The following ANKRD30BL variants were observed in gnomAD, a reference collection of about 807,000 sequenced individuals.
The protein encoded by ANKRD30BL is ankyrin repeat domain 30B like.
A neutral mutation model predicts 18.4 loss-of-function variants in ANKRD30BL; 20 were observed. That is an observed-to-expected ratio of 1.09 (90% CI 0.77 to 1.58). ANKRD30BL has a LOEUF of 1.58. Among genes scored for constraint, ANKRD30BL ranks in the 40% most tolerant of loss-of-function variants. The pLI is 0.00. For missense variants in ANKRD30BL, 224 were observed against 268.6 expected (o/e 0.83, Z 1.16); for synonymous variants, 72 against 100.9 (o/e 0.71, Z 1.72).
At chr2:132,193,967 G>C (rs1298652907) in intron 1 of ANKRD30BL, among the ~76,000 whole-genome samples, 1 of 151,606 alleles carries the variant, frequency 6.6e-6, no homozygotes, top group Non-Finnish European at 1.5e-5. Flanking sequence ...ACTGGGGCAG[G>C]ATGAATACAC....
At chr2:132,251,197 G>C (rs1265353582) in intron 1 of ANKRD30BL, among the ~76,000 whole-genome samples, 2 of 152,144 alleles carry the variant, frequency 1.3e-5, no homozygotes, top group East Asian at 3.9e-4. Flanking sequence ...GGATGTCTTA[G>C]GTACTCTTCA....
chr2:132,195,730 G>A (rs1480458772), intron 1 of ANKRD30BL, among the ~76,000 whole-genome samples: 3 of 141,038 alleles, frequency 2.1e-5, no homozygotes, highest in Non-Finnish European at 4.6e-5. Flanking sequence ...GGCAGACTTT[G>A]TAGTGAGCCA....
At chr2:132,170,724 T>C (rs893576469) in intron 1 of ANKRD30BL, among the ~76,000 whole-genome samples, 17 of 152,236 alleles carry the variant, frequency 1.1e-4, no homozygotes, top group African/African-American at 4.1e-4. Flanking sequence ...AGGGAGTGTT[T>C]TCAGAAGGCC....
chr2:132,155,257 C>A (rs1429395740), intron 3 of ANKRD30BL: 1 of 152,192 alleles, frequency 6.6e-6, no homozygotes, highest in Non-Finnish European at 1.5e-5. Flanking sequence ...ATTAAATATT[C>A]ATTATTCAAG....
At chr2:132,235,878 C>A (rs987797628) in intron 1 of ANKRD30BL, among the ~76,000 whole-genome samples, 1 of 152,082 alleles carries the variant, frequency 6.6e-6, no homozygotes, top group Admixed American at 6.6e-5. Flanking sequence ...CCCGCATCAC[C>A]AAGTCAATCC....
chr2:132,254,726 G>A (rs1373558960), intron 1 of ANKRD30BL, among the ~76,000 whole-genome samples: 1 of 152,252 alleles, frequency 6.6e-6, no homozygotes, highest in East Asian at 1.9e-4. Context: ...ACCTGTTATT[G>A]CTCAATCTCA....
intron 1 of ANKRD30BL, among the ~76,000 whole-genome samples, chr2:132,194,069 A>G (rs1678913893): frequency 1.3e-5 from 2 of 151,268 alleles, no homozygotes; most frequent in African/African-American, 4.9e-5. Context: ...ACACACACAC[A>G]CACACTCACA....
intron 1 of ANKRD30BL, among the ~76,000 whole-genome samples, chr2:132,210,344 G>A (rs7607575): frequency 0.037 from 5,588 of 151,854 alleles, 322 homozygotes; most frequent in African/African-American, 0.13. Flanking sequence ...AGCGCTTTGC[G>A]GCCAATGGTG....
chr2:132,202,348 A>G (rs1679122866), intron 1 of ANKRD30BL, among the ~76,000 whole-genome samples: 1 of 152,196 alleles, frequency 6.6e-6, no homozygotes, highest in Non-Finnish European at 1.5e-5. Context: ...GGGCATTATA[A>G]AATGCCTCAT....
At chr2:132,156,721 G>A (rs1213132474) in intron 3 of ANKRD30BL, 1 of 192,080 alleles carries the variant, frequency 5.2e-6, no homozygotes. Context: ...AACTTGGGTG[G>A]GAAAGAATAT....
chr2:132,179,445 C>T (rs1315032491), intron 1 of ANKRD30BL, among the ~76,000 whole-genome samples: 1 of 151,960 alleles, frequency 6.6e-6, no homozygotes, highest in African/African-American at 2.4e-5. Flanking sequence ...CCCACAACTG[C>T]ACCTGCCTAA....
chr2:132,171,129 TGG>T (rs1688272831), intron 1 of ANKRD30BL, among the ~76,000 whole-genome samples: 2 of 139,468 alleles, frequency 1.4e-5, no homozygotes, highest in Non-Finnish European at 3.0e-5. Flanking sequence ...TACTCCAGCC[TGG>T]GAGACAGAGC....
chr2:132,242,824 AG>A (rs1224486670), intron 1 of ANKRD30BL, among the ~76,000 whole-genome samples: 2 of 151,716 alleles, frequency 1.3e-5, no homozygotes, highest in Admixed American at 6.6e-5. Flanking sequence ...CTCTTTTTGT[AG>A]AATCTGCAAG....
chr2:132,201,341 C>G (rs1432955223), intron 1 of ANKRD30BL, among the ~76,000 whole-genome samples: 1 of 151,988 alleles, frequency 6.6e-6, no homozygotes, highest in Non-Finnish European at 1.5e-5. Flanking sequence ...AAGAAACTAC[C>G]ATCAGAGTGA....
chr2:132,247,734 T>C (rs1432505817), intron 1 of ANKRD30BL, among the ~76,000 whole-genome samples: 1 of 152,040 alleles, frequency 6.6e-6, no homozygotes, highest in Admixed American at 6.6e-5. Flanking sequence ...CCCAGAATGC[T>C]TCTGTATAGT....
At chr2:132,206,029 G>T (rs1679205775) in intron 1 of ANKRD30BL, among the ~76,000 whole-genome samples, 1 of 151,862 alleles carries the variant, frequency 6.6e-6, no homozygotes, top group South Asian at 2.1e-4. Context: ...ATGGTGTTGG[G>T]CGCCTGTAAT....
upstream of ANKRD30BL, among the ~76,000 whole-genome samples, chr2:132,164,392 G>C (rs2104936363): frequency 6.6e-6 from 1 of 150,382 alleles, no homozygotes; most frequent in East Asian, 2.0e-4. Flanking sequence ...CCAGGTTCAA[G>C]CGATTCTCCT....
chr2:132,215,901 GT>G (rs1407444430), intron 1 of ANKRD30BL, among the ~76,000 whole-genome samples: 1 of 150,108 alleles, frequency 6.7e-6, no homozygotes, highest in Admixed American at 6.7e-5. Context: ...TTCTGAGAAA[GT>G]TTTTTGTGAT....
chr2:132,166,808 C>G (rs1477251831), upstream of ANKRD30BL, among the ~76,000 whole-genome samples: 1 of 151,956 alleles, frequency 6.6e-6, no homozygotes, highest in Non-Finnish European at 1.5e-5. Flanking sequence ...TTACTGATAT[C>G]TGCTAAACTT....
Sources: gnomAD v4.1 joint callset for allele counts (sites outside exome capture counted in the v4.1 genomes callset) on GRCh38, gnomAD v4.1.1 for gene constraint, MANE v1.5 for transcripts, NCBI Gene and HGNC (gene_info 2026-07-23, HGNC 2026-07-21) for gene names.